CYP24A1: variants seen among roughly 807,000 people sequenced by gnomAD.
CYP24A1 encodes the protein 1,25-dihydroxyvitamin D(3) 24-hydroxylase, mitochondrial.
CYP24A1 carries 68 observed loss-of-function variants against 62.4 expected under a neutral mutation model. That is an observed-to-expected ratio of 1.09 (90% CI 0.90 to 1.33). The LOEUF is 1.33. CYP24A1 is among the 40% of genes most tolerant of loss of function. The pLI, the probability that CYP24A1 is intolerant of heterozygous loss-of-function variation, is 0.00. For synonymous variants in CYP24A1, 267 were observed against 253.0 expected (o/e 1.06, Z -0.52); for missense variants, 787 against 653.0 (o/e 1.21, Z -2.24).
chr20:54,168,702 T>C (rs963231624), intron 4 of CYP24A1, among the ~76,000 whole-genome samples: 4 of 152,016 alleles, frequency 2.6e-5, no homozygotes, highest in African/African-American at 9.7e-5. Flanking sequence ...CTTTATTTCT[T>C]TTCTTTTTTC....
At chr20:54,151,890 G>T (rs886669987), downstream of CYP24A1, among the ~76,000 whole-genome samples, 1 of 133,014 alleles carries the variant, frequency 7.5e-6, no homozygotes, top group Non-Finnish European at 1.6e-5. Flanking sequence ...GGTGTGAAAT[G>T]GGAAGAATGA....
chr20:54,162,583 A>AGGCAGTGCGCTGAG, intron 7 of CYP24A1, 134 bp downstream of exon 7: 1 of 739,326 alleles, frequency 1.4e-6, no homozygotes, highest in Non-Finnish European at 2.5e-6. Context: ...ATCTAGTATG[A>AGGCAGTGCGCTGAG]GACTTTTCAT....
chr20:54,156,331 T>C (rs1568964629), intron 11 of CYP24A1, among the ~76,000 whole-genome samples: 1 of 152,226 alleles, frequency 6.6e-6, no homozygotes, highest in Non-Finnish European at 1.5e-5. Context: ...GATAATATCT[T>C]GTCAGACAGA....
chr20:54,168,842 C>CTT, intron 4 of CYP24A1, among the ~76,000 whole-genome samples: 7 of 42,218 alleles, frequency 1.7e-4, no homozygotes, highest in South Asian at 2.4e-3. Flanking sequence ...CTCCCTCCCT[C>CTT]CCTTCTTCCT....
intron 3 of CYP24A1, among the ~76,000 whole-genome samples, chr20:54,170,249 A>G (rs56229249): frequency 0.18 from 27,866 of 152,218 alleles, 2,888 homozygotes; most frequent in Non-Finnish European, 0.23. Context: ...AGTTTCATAA[A>G]CCAGAGTTTT....
intron 7 of CYP24A1, among the ~76,000 whole-genome samples, chr20:54,161,248 A>G (rs980304502): frequency 2.0e-5 from 3 of 152,172 alleles, no homozygotes; most frequent in Non-Finnish European, 4.4e-5. Context: ...GCGCTCTTCC[A>G]CGAGGTCTTT....
chr20:54,144,988 G>T, the CYP24A1 span, among the ~76,000 whole-genome samples: 6 of 149,440 alleles, frequency 4.0e-5, no homozygotes, highest in African/African-American at 1.5e-4. Flanking sequence ...TATTACCTAA[G>T]AAGTTTGATA....
chr20:54,171,698 A>G, intron 2 of CYP24A1, 28 bp from the exon 3 acceptor site: 1 of 1,614,042 alleles, frequency 6.2e-7, no homozygotes, highest in African/African-American at 1.3e-5. Context: ...ATACATTTAG[A>G]GCACACTGAA....
At chr20:54,164,329 C>T in intron 6 of CYP24A1, 123 bp downstream of exon 6, 11 of 1,573,678 alleles carry the variant, frequency 7.0e-6, no homozygotes, top group Non-Finnish European at 9.5e-6. Flanking sequence ...CCCAAAACAC[C>T]TGTGTTTGCA....
intron 7 of CYP24A1, among the ~76,000 whole-genome samples, chr20:54,159,626 C>T (rs1281946411): frequency 1.3e-5 from 2 of 152,188 alleles, no homozygotes; most frequent in Non-Finnish European, 2.9e-5. Context: ...GACTCTTGAC[C>T]TCAGGTGATC....
chr20:54,162,427 T>C (rs988398544), intron 7 of CYP24A1, among the ~76,000 whole-genome samples: 1 of 108,156 alleles, frequency 9.2e-6, no homozygotes, highest in African/African-American at 3.5e-5. Context: ...CATCCTACTC[T>C]GGCTTTTTGT....
At chr20:54,158,210 T>C (rs1424472127) in intron 8 of CYP24A1, 46 bp from the exon 9 acceptor site, 1 of 1,610,844 alleles carries the variant, frequency 6.2e-7, no homozygotes, top group African/African-American at 1.3e-5. Flanking sequence ...CAGTCTAAGT[T>C]CTCTCTGAAG....
the CYP24A1 span, among the ~76,000 whole-genome samples, chr20:54,144,393 G>A: frequency 4.8e-3 from 720 of 151,342 alleles, 9 homozygotes; most frequent in African/African-American, 0.017. Flanking sequence ...GCGACCACAG[G>A]TGTGCACCAC....
chr20:54,165,697 TAA>T (rs570635827), intron 5 of CYP24A1, 43 bp downstream of exon 5: 256 of 962,564 alleles, frequency 2.7e-4, no homozygotes, highest in Middle Eastern at 1.0e-3. Flanking sequence ...AATCGATCTG[TAA>T]AACATCAATC....
intron 4 of CYP24A1, among the ~76,000 whole-genome samples, chr20:54,169,248 G>A (rs1211146954): frequency 2.6e-5 from 4 of 151,988 alleles, no homozygotes; most frequent in African/African-American, 2.4e-5. Context: ...TTACTCCTTG[G>A]AAGAGTATAT....
At chr20:54,149,097 C>T (rs764903532), downstream of CYP24A1, among the ~76,000 whole-genome samples, 4 of 152,206 alleles carry the variant, frequency 2.6e-5, no homozygotes, top group Admixed American at 6.5e-5. Context: ...GCTTGGCTTA[C>T]AGATCTTCAT....
chr20:54,157,252 T>C lies in CYP24A1; in HGVS notation c.1472A>G (p.Glu491Gly), dbSNP rs746169287. 3 of 1,612,610 alleles carry C rather than the reference T, an allele frequency of 1.9e-6. No homozygotes were observed. The South Asian group carries it at 3.3e-5, about 18-fold the overall frequency. ...RKYDIQATDN[E>G]PVEMLHSGTL... ...GCCTGAGTGTAGCATCTCAACAGGCTCATTGTCTGTGGCCTGGATGTCGTA... is the reference window on the plus strand; with the variant it reads ...GCCTGAGTGTAGCATCTCAACAGGCCCATTGTCTGTGGCCTGGATGTCGTA... Residue 491 changes from glutamate (E) to glycine (G), a missense_variant, in exon 11 of 12, where the codon GAG becomes GGG. Physicochemically the swap from Glu to Gly is moderately conservative, Grantham distance 98. Coordinates refer to ENST00000216862, the MANE Select transcript of CYP24A1 (RefSeq NM_000782.5).
chr20:54,165,775 A>C lies in CYP24A1; in HGVS notation c.699T>G (p.Asp233Glu), dbSNP rs760930451. The change falls in exon 5 of 12, where the codon GAT (aspartate) becomes GAG (glutamate). Residue 233 changes from aspartate to glutamate, a missense_variant. By Grantham distance (45) the Asp-to-Glu change is conservative. Coordinates refer to ENST00000216862, the MANE Select transcript of CYP24A1 (RefSeq NM_000782.5). Reference protein sequence around the residue: ...RFGLLQKNAGDEAVNFIMAIK... With the variant: ...RFGLLQKNAGEEAVNFIMAIK... The stretch of plus-strand genomic sequence containing the variant: ...TGGCCATGATGAAGTTCACAGCTTC[A>C]TCCCCTGCATTCTTCTGGAGAAGCC... 6.5e-7 allele frequency: 1 copy of C among 1,539,668 alleles called. No homozygotes were observed. Among genetic ancestry groups the C allele is most frequent in the Non-Finnish European group, 9.0e-7 (1 of 1,111,716 alleles).
At chr20:54,144,783 G>A in the CYP24A1 span, among the ~76,000 whole-genome samples, 2 of 151,630 alleles carry the variant, frequency 1.3e-5, no homozygotes, top group Middle Eastern at 3.4e-3. Flanking sequence ...TTTTATAGGT[G>A]AGTTTTTCAA....
Sources: allele counts gnomAD v4.1 joint callset (sites outside exome capture counted in the v4.1 genomes callset), GRCh38; gene constraint gnomAD v4.1.1; transcripts MANE v1.5; gene names NCBI Gene and HGNC (gene_info 2026-07-23, HGNC 2026-07-21).